Variants in ADORA2B observed in about 807,000 individuals in gnomAD.
ADORA2B encodes the protein adenosine receptor A2b.
In ADORA2B, 18 loss-of-function variants were observed where a neutral mutation model predicts 20.8. The ratio of observed to expected loss-of-function variants is 0.87; its 90% confidence interval spans 0.60 to 1.29. ADORA2B has a LOEUF of 1.29. Among genes scored for constraint, ADORA2B ranks in the 50% most tolerant of loss-of-function variants. The pLI, the probability that ADORA2B is intolerant of heterozygous loss-of-function variation, is 0.00. For synonymous variants in ADORA2B, 179 were observed against 178.3 expected, an observed-to-expected ratio of 1.00 and a Z score of -0.03; for missense variants, 441 against 422.7, an observed-to-expected ratio of 1.04 and a Z score of -0.38.
At chr17:15,974,270 A>G (rs1258202148) in intron 1 of ADORA2B, 1 of 168,384 alleles carries the variant, frequency 5.9e-6, no homozygotes, top group Non-Finnish European at 1.3e-5. Context: ...CTTTAGGCCA[A>G]ATTTAAAATA....
chr17:15,945,859 G>T (rs1969797892), intron 1 of ADORA2B, among the ~76,000 whole-genome samples: 1 of 152,168 alleles, frequency 6.6e-6, no homozygotes, highest in Non-Finnish European at 1.5e-5. Context: ...GCCCGGGGAG[G>T]CGCCGTGGAA....
the ADORA2B span, among the ~76,000 whole-genome samples, chr17:15,874,740 T>A: frequency 6.6e-6 from 1 of 152,040 alleles, no homozygotes; most frequent in East Asian, 1.9e-4. Flanking sequence ...TCGTGCCTTT[T>A]TATGCTTGTG....
the ADORA2B span, among the ~76,000 whole-genome samples, chr17:15,876,449 C>CTTTTTTTTTTTTTTTTT: frequency 7.5e-5 from 9 of 119,308 alleles, no homozygotes; most frequent in Non-Finnish European, 8.7e-5. Context: ...TTTCTTTTTT[C>CTTTTTTTTTTTTTTTTT]TTTTTTTTTT....
the ADORA2B span, among the ~76,000 whole-genome samples, chr17:15,884,289 A>G: frequency 6.6e-6 from 1 of 152,236 alleles, no homozygotes; most frequent in African/African-American, 2.4e-5. Flanking sequence ...GATGATGGGA[A>G]TGTTCTAGAT....
chr17:15,951,994 G>A (rs76081314), intron 1 of ADORA2B, among the ~76,000 whole-genome samples: 2,214 of 152,330 alleles, frequency 0.015, 55 homozygotes, highest in African/African-American at 0.05. Context: ...GTGCCCTGGA[G>A]CAGCACAGCC....
chr17:15,887,793 T>TA, the ADORA2B span, among the ~76,000 whole-genome samples: 14 of 118,298 alleles, frequency 1.2e-4, 4 homozygotes, highest in African/African-American at 3.4e-4. Flanking sequence ...TAAAAAAAAA[T>TA]AAAAAAAATT....
At chr17:15,950,040 T>C (rs1373437990) in intron 1 of ADORA2B, among the ~76,000 whole-genome samples, 1 of 152,158 alleles carries the variant, frequency 6.6e-6, no homozygotes, top group Non-Finnish European at 1.5e-5. Context: ...ATATTTTAAT[T>C]CCCAGAACCT....
chr17:15,910,120 A>G, the ADORA2B span, among the ~76,000 whole-genome samples: 1 of 152,160 alleles, frequency 6.6e-6, no homozygotes. Flanking sequence ...CTGACAAAGG[A>G]TCATTCTTCC....
At chr17:15,911,582 C>T in the ADORA2B span, among the ~76,000 whole-genome samples, 1 of 152,202 alleles carries the variant, frequency 6.6e-6, no homozygotes, top group Admixed American at 6.5e-5. Flanking sequence ...TTGCTGATTA[C>T]TTTAGCCAAA....
At chr17:15,868,461 TG>T in the ADORA2B span, among the ~76,000 whole-genome samples, 1 of 139,760 alleles carries the variant, frequency 7.2e-6, no homozygotes, top group Non-Finnish European at 1.6e-5. Context: ...TAGTGCTTTT[TG>T]TATTCTGTAT....
chr17:15,937,113 A>G, the ADORA2B span, among the ~76,000 whole-genome samples: 1 of 152,064 alleles, frequency 6.6e-6, no homozygotes, highest in African/African-American at 2.4e-5. Context: ...GTCTTATAAT[A>G]TTTTGTTGAA....
the ADORA2B span, among the ~76,000 whole-genome samples, chr17:15,923,326 A>G: frequency 1.3e-5 from 2 of 149,464 alleles, no homozygotes; most frequent in South Asian, 4.2e-4. Flanking sequence ...CTAGGATTAC[A>G]GGCGTGAGCC....
chr17:15,958,144 G>A (rs1328761300), intron 1 of ADORA2B, among the ~76,000 whole-genome samples: 2 of 152,132 alleles, frequency 1.3e-5, no homozygotes, highest in Non-Finnish European at 2.9e-5. Context: ...TCAGCCTCGC[G>A]AGTAGCTGGG....
chr17:15,855,993 T>G, the ADORA2B span, among the ~76,000 whole-genome samples: 6 of 152,048 alleles, frequency 3.9e-5, no homozygotes, highest in African/African-American at 1.5e-4. Flanking sequence ...TACTCTCTGC[T>G]TCTCTGAGTT....
intron 1 of ADORA2B, among the ~76,000 whole-genome samples, chr17:15,970,430 A>C (rs1049076653): frequency 6.6e-6 from 1 of 152,206 alleles, no homozygotes; most frequent in Non-Finnish European, 1.5e-5. Context: ...GAACTCTAGT[A>C]GGAAGCCACC....
chr17:15,870,953 C>T, the ADORA2B span, among the ~76,000 whole-genome samples: 9 of 152,152 alleles, frequency 5.9e-5, 1 homozygote, highest in South Asian at 6.2e-4. Context: ...GCTTCTGTGC[C>T]GTTTCTGACA....
At chr17:15,923,697 C>T in the ADORA2B span, among the ~76,000 whole-genome samples, 2 of 151,992 alleles carry the variant, frequency 1.3e-5, no homozygotes, top group Admixed American at 6.6e-5. Flanking sequence ...TGAGCCACCG[C>T]GCCCGGTCCC....
At chr17:15,925,180 C>T in the ADORA2B span, among the ~76,000 whole-genome samples, 24 of 152,152 alleles carry the variant, frequency 1.6e-4, no homozygotes, top group Admixed American at 9.8e-4. Flanking sequence ...AGATTATAGG[C>T]GCCTGCCACC....
the ADORA2B span, among the ~76,000 whole-genome samples, chr17:15,893,239 A>G: frequency 6.6e-6 from 1 of 152,054 alleles, no homozygotes; most frequent in Non-Finnish European, 1.5e-5. Flanking sequence ...TATATCTGAG[A>G]CTTCCTTCTA....
Sources: allele counts gnomAD v4.1 joint callset (sites outside exome capture counted in the v4.1 genomes callset), GRCh38; gene constraint gnomAD v4.1.1; transcripts MANE v1.5; gene names NCBI Gene and HGNC (gene_info 2026-07-23, HGNC 2026-07-21).